Variants in TNS3 observed in about 807,000 individuals in gnomAD.
TNS3 encodes tensin 3.
In TNS3, 45 loss-of-function variants were observed where a neutral mutation model predicts 140.9. That is an observed-to-expected ratio of 0.32 (90% CI 0.25 to 0.41). The LOEUF (loss-of-function observed/expected upper bound fraction) is 0.41. Ranked by LOEUF, TNS3 falls within the 10% of genes least tolerant of loss-of-function variation. The pLI is 1.00. For missense variants in TNS3, 1,716 were observed against 1,906.7 expected, an observed-to-expected ratio of 0.90 and a Z score of 1.86; for synonymous variants, 815 against 788.4, an observed-to-expected ratio of 1.03 and a Z score of -0.56.
At chr7:47,580,191 G>A (rs1784494650) in intron 1 of TNS3, among the ~76,000 whole-genome samples, 2 of 152,168 alleles carry the variant, frequency 1.3e-5, no homozygotes, top group South Asian at 4.1e-4. Flanking sequence ...CAGCAGCCAG[G>A]AACAGGGGTC....
intron 27 of TNS3, among the ~76,000 whole-genome samples, chr7:47,287,873 G>A (rs754918061): frequency 1.3e-5 from 2 of 152,150 alleles, no homozygotes; most frequent in Non-Finnish European, 2.9e-5. Flanking sequence ...ATGAAGTCTT[G>A]ACTCTAAGAA....
chr7:47,410,881 T>C (rs745704632), intron 13 of TNS3, among the ~76,000 whole-genome samples: 11 of 152,200 alleles, frequency 7.2e-5, no homozygotes, highest in Non-Finnish European at 1.3e-4. Flanking sequence ...ATTTTAAATG[T>C]ATGAATTGTT....
In TNS3 at chr7:47,453,644, G is replaced by A. The variant is rs182520413; in HGVS notation, c.-75-11589C>T. 6.5e-3 allele frequency among the ~76,000 whole-genome samples: 990 copies of A among 152,304 alleles called. 6 individuals carry two copies. Among genetic ancestry groups the A allele is most frequent in the Non-Finnish European group, 0.011 (728 of 68,034 alleles). ...AAACCAATAAACAAGCACAAAAACA[G>A]GGTTAAAGACAAGAGTGGCCAGGCC... On this transcript the variant is annotated intron_variant, in intron 4 of 30. Transcript: ENST00000311160.
intron 27 of TNS3, among the ~76,000 whole-genome samples, chr7:47,287,714 C>T (rs1202698287): frequency 6.6e-6 from 1 of 152,132 alleles, no homozygotes; most frequent in Non-Finnish European, 1.5e-5. Context: ...CTTGGAATCG[C>T]GGTTAATGTA....
At chr7:47,383,646 C>T (rs549337135) in intron 16 of TNS3, among the ~76,000 whole-genome samples, 24 of 152,252 alleles carry the variant, frequency 1.6e-4, no homozygotes, top group Admixed American at 4.6e-4. Flanking sequence ...GCAACCAGCC[C>T]GAGGCTCGCA....
intron 4 of TNS3, among the ~76,000 whole-genome samples, chr7:47,463,086 T>G (rs1050356263): frequency 3.9e-5 from 6 of 152,180 alleles, no homozygotes; most frequent in Non-Finnish European, 8.8e-5. Context: ...AGCTTCCGTC[T>G]CTAGGAGAAA....
rs770160923 is a variant in TNS3, at chr7:47,369,282, C to T, written c.1364G>A (p.Arg455His). 52 of 1,614,048 alleles carry T rather than the reference C, an allele frequency of 3.2e-5. No individual in the cohort carries two copies. Among genetic ancestry groups the T allele is most frequent in the Non-Finnish European group, 4.2e-5 (50 of 1,180,040 alleles). ...TDARSKYSGT[R>H]HVVPAQVHVN... ...GTGAACCTGGGCTGGCACCACGTGG[C>T]GGGTCCCACTGTACTTGCTTCGAGC... The change falls in exon 17 of 31, where the codon CGC becomes CAC. Residue 455 changes from arginine (R) to histidine (H), a missense_variant. Around this residue, in one of 3 missense-constraint regions of TNS3, gnomAD observed 1,163 missense variants for 1,182.1 expected, o/e 0.98. Coordinates refer to ENST00000311160, the MANE Select transcript of TNS3 (RefSeq NM_022748.12).
intron 8 of TNS3, 60 bp from the exon 9 acceptor site, chr7:47,428,436 G>T: frequency 7.8e-7 from 1 of 1,277,076 alleles, no homozygotes; most frequent in South Asian, 2.3e-5. Context: ...GATGTAATTA[G>T]AACAGGAAAA....
At chr7:47,299,433 G>C (rs537724628) in intron 23 of TNS3, among the ~76,000 whole-genome samples, 2 of 152,270 alleles carry the variant, frequency 1.3e-5, no homozygotes, top group East Asian at 3.9e-4. Context: ...GAGTCACTGC[G>C]CCGGGCCTAC....
intron 1 of TNS3, among the ~76,000 whole-genome samples, chr7:47,557,720 T>C (rs2151993335): frequency 6.6e-6 from 1 of 152,314 alleles, no homozygotes; most frequent in Admixed American, 6.5e-5. Flanking sequence ...TGAGGACATT[T>C]TAACCATCAC....
At chr7:47,430,078 G>A (rs1423320612) in intron 8 of TNS3, among the ~76,000 whole-genome samples, 1 of 151,850 alleles carries the variant, frequency 6.6e-6, no homozygotes, top group Non-Finnish European at 1.5e-5. Context: ...TCACTTTTGT[G>A]GCACTATTTA....
At chr7:47,437,447 CA>C (rs978865727) in intron 6 of TNS3, 134 bp from the exon 7 acceptor site, 89 of 311,284 alleles carry the variant, frequency 2.9e-4, no homozygotes, top group African/African-American at 1.7e-3. Flanking sequence ...ACTCACAAAT[CA>C]GGGGGAAAAA....
In TNS3 at chr7:47,424,192, G is replaced by GGA. The variant is rs141397870; in HGVS notation, c.390-10_390-9dup. The GGA allele has an allele frequency of 1.2e-6, 2 of 1,613,272 alleles. No homozygotes were observed. The highest frequency in any genetic ancestry group is 1.7e-4 in the Middle Eastern group (1 of 6,058). ...TCAAGGGCCTGGTCGGCGCTGAAGG[G>GGA]GAGAGAGAGAGAAAGAGAGTTAACT... On this transcript the variant is annotated splice_polypyrimidine_tract_variant and intron_variant, in intron 9 of 30. Coordinates refer to ENST00000311160, the MANE Select transcript of TNS3 (RefSeq NM_022748.12).
intron 17 of TNS3, among the ~76,000 whole-genome samples, chr7:47,351,047 T>C (rs1277557273): frequency 2.0e-5 from 3 of 152,224 alleles, no homozygotes; most frequent in Admixed American, 1.3e-4. Flanking sequence ...GTTTCTATCT[T>C]TCAGGGTTTT....
At chr7:47,397,847 A>G (rs1190318739) in intron 15 of TNS3, among the ~76,000 whole-genome samples, 1 of 152,234 alleles carries the variant, frequency 6.6e-6, no homozygotes, top group Admixed American at 6.5e-5. Context: ...GTGCAGAACT[A>G]AATGAAATTG....
At chr7:47,481,351 G>A (rs963333588) in intron 3 of TNS3, 1 of 356,306 alleles carries the variant, frequency 2.8e-6, no homozygotes, top group South Asian at 2.4e-5. Flanking sequence ...TTTTGCTAAT[G>A]TCATGGAAAC....
intron 3 of TNS3, among the ~76,000 whole-genome samples, chr7:47,504,062 G>T (rs570376178): frequency 6.6e-6 from 1 of 152,146 alleles, no homozygotes; most frequent in East Asian, 1.9e-4. Flanking sequence ...CCATAGCAAG[G>T]GGGACTAGAA....
intron 20 of TNS3, among the ~76,000 whole-genome samples, chr7:47,332,035 G>C (rs1161925637): frequency 6.6e-6 from 1 of 152,214 alleles, no homozygotes; most frequent in Non-Finnish European, 1.5e-5. Flanking sequence ...CCCTCTCAGT[G>C]ACTCAAGACA....
chr7:47,575,533 C>G (rs1167884288), intron 1 of TNS3, among the ~76,000 whole-genome samples: 2 of 152,068 alleles, frequency 1.3e-5, no homozygotes, highest in Non-Finnish European at 2.9e-5. Flanking sequence ...AGCAAAGATA[C>G]GGCCGGGCGC....
Sources: gnomAD v4.1 joint callset for allele counts (sites outside exome capture counted in the v4.1 genomes callset) on GRCh38, gnomAD v4.1.1 for gene constraint, gnomAD v4.1.1 regional missense constraint, MANE v1.5 for transcripts, NCBI Gene and HGNC (gene_info 2026-07-23, HGNC 2026-07-21) for gene names.